Variants in RIPOR2 observed in about 807,000 individuals in gnomAD.
RIPOR2 encodes the protein RHO family interacting cell polarization regulator 2, also known as rho family-interacting cell polarization regulator 2.
A neutral mutation model predicts 114.5 loss-of-function variants in RIPOR2; 39 were observed. The ratio of observed to expected loss-of-function variants is 0.34; its 90% CI spans 0.26 to 0.44. The LOEUF (loss-of-function observed/expected upper bound fraction) is 0.44. Among genes scored for constraint, RIPOR2 ranks in the 20% least tolerant of loss-of-function variants. RIPOR2 has a pLI of 1.00. For missense variants in RIPOR2, 1,007 were observed against 1,255.1 expected (o/e 0.80, Z 2.99); for synonymous variants, 445 against 484.4 (o/e 0.92, Z 1.07).
At chr6:24,975,127 T>C (rs187276252) in intron 1 of RIPOR2, among the ~76,000 whole-genome samples, 3 of 152,322 alleles carry the variant, frequency 2.0e-5, no homozygotes, top group Non-Finnish European at 4.4e-5. Context: ...ACACTTTAAA[T>C]TGGTGAACTG....
At chr6:24,836,494 A>T (rs529497891) in intron 14 of RIPOR2, among the ~76,000 whole-genome samples, 9 of 152,316 alleles carry the variant, frequency 5.9e-5, no homozygotes, top group African/African-American at 2.2e-4. Flanking sequence ...ACCTACATTT[A>T]AAAAAATCTC....
At chr6:24,927,114 T>C (rs1561782301) in intron 1 of RIPOR2, among the ~76,000 whole-genome samples, 3,132 of 4,086 alleles carry the variant, frequency 0.77, 1,548 homozygotes, top group East Asian at 0.93. Flanking sequence ...ACCACCATGA[T>C]TATTATAATC....
intron 1 of RIPOR2, among the ~76,000 whole-genome samples, chr6:24,974,775 T>C (rs1019340291): frequency 6.6e-6 from 1 of 152,164 alleles, no homozygotes. Context: ...ATAGATAAAG[T>C]GTGGTATAGT....
intron 1 of RIPOR2, among the ~76,000 whole-genome samples, chr6:24,923,043 T>TC (rs561220827): frequency 1.3e-5 from 2 of 151,948 alleles, no homozygotes; most frequent in Non-Finnish European, 2.9e-5. Context: ...TGCTCTCTCC[T>TC]CCCCCCAGCC....
chr6:24,990,704 G>A (rs1016882822), intron 1 of RIPOR2, among the ~76,000 whole-genome samples: 2 of 13,744 alleles, frequency 1.5e-4, no homozygotes, highest in Non-Finnish European at 3.0e-4. Context: ...CAGCTATGCT[G>A]TAGAAGGAAA....
intron 17 of RIPOR2, among the ~76,000 whole-genome samples, chr6:24,829,352 C>T (rs1760467137): frequency 6.6e-6 from 1 of 151,694 alleles, no homozygotes; most frequent in African/African-American, 2.4e-5. Flanking sequence ...AATTGCTGGC[C>T]CAGTGTAGTG....
intron 12 of RIPOR2, among the ~76,000 whole-genome samples, chr6:24,846,627 A>T (rs1296446126): frequency 2.0e-5 from 3 of 152,020 alleles, no homozygotes; most frequent in Non-Finnish European, 4.4e-5. Context: ...TTTTTAATTC[A>T]ATGAAAACGA....
chr6:25,018,255 T>G (rs904666964), intron 1 of RIPOR2, among the ~76,000 whole-genome samples: 5 of 152,212 alleles, frequency 3.3e-5, no homozygotes. Flanking sequence ...TTCTTCCTAA[T>G]GCTTTACATG....
Position 24,805,739 on chromosome 6 carries a change from A to G in RIPOR2, c.*634T>C, listed in dbSNP as rs147679459. 8 of 152,274 alleles carry G rather than the reference A, an allele frequency of 5.3e-5. No homozygotes were observed. Among genetic ancestry groups the G allele is most frequent in the African/African-American group, 1.4e-4 (6 of 41,556 alleles). The allele number at this position is 152,274 out of a possible 1,614,324, so 9.4% of individuals were successfully genotyped here. ...CATGACTATTTCAAGCTTATAGAGAAACTTGCAAAAAAGTACAAAGATGGC... is the reference window on the plus strand; with the variant it reads ...CATGACTATTTCAAGCTTATAGAGAGACTTGCAAAAAAGTACAAAGATGGC... On this transcript the variant is annotated 3_prime_UTR_variant, in exon 22 of 22. Transcript: ENST00000643898.
chr6:24,971,379 G>T (rs1773781821), intron 1 of RIPOR2, among the ~76,000 whole-genome samples: 1 of 152,232 alleles, frequency 6.6e-6, no homozygotes, highest in Non-Finnish European at 1.5e-5. Flanking sequence ...ACATGTGCTG[G>T]ATATAGGGAT....
At chr6:24,847,429 T>C in intron 12 of RIPOR2, 3 of 1,120,366 alleles carry the variant, frequency 2.7e-6, no homozygotes, top group Non-Finnish European at 3.8e-6. Flanking sequence ...ACAGTACAGC[T>C]GTAACCATAC....
intron 1 of RIPOR2, among the ~76,000 whole-genome samples, chr6:24,887,142 G>A (rs929258941): frequency 2.0e-5 from 3 of 152,140 alleles, no homozygotes; most frequent in African/African-American, 4.8e-5. Context: ...CTCACATTGC[G>A]AACCTCAAAA....
chr6:24,954,472 TTGA>T (rs1772938146), intron 1 of RIPOR2, among the ~76,000 whole-genome samples: 2 of 150,352 alleles, frequency 1.3e-5, no homozygotes, highest in Non-Finnish European at 3.0e-5. Flanking sequence ...TTTTTTTTTT[TTGA>T]GACAGGGTCT....
At chr6:24,861,163 CA>C in intron 7 of RIPOR2, 127 bp from the exon 8 acceptor site, 1 of 629,540 alleles carries the variant, frequency 1.6e-6, no homozygotes, top group Non-Finnish European at 2.9e-6. Flanking sequence ...TTGCTCCACA[CA>C]GCACAGCCTA....
At chr6:24,942,366 T>G (rs1772181064) in intron 1 of RIPOR2, among the ~76,000 whole-genome samples, 1 of 152,174 alleles carries the variant, frequency 6.6e-6, no homozygotes, top group East Asian at 1.9e-4. Flanking sequence ...TAAAAGAGAT[T>G]GGATATTAGA....
At chr6:24,900,524 C>T (rs768064784) in intron 1 of RIPOR2, among the ~76,000 whole-genome samples, 14 of 151,942 alleles carry the variant, frequency 9.2e-5, no homozygotes, top group African/African-American at 2.7e-4. Context: ...TTTGGGAGAC[C>T]GATGCAGGGA....
At chr6:24,904,390 C>G (rs1323498810) in intron 1 of RIPOR2, among the ~76,000 whole-genome samples, 2 of 152,218 alleles carry the variant, frequency 1.3e-5, no homozygotes, top group East Asian at 3.8e-4. Flanking sequence ...TCTCCCTGAT[C>G]TTTCTATCTT....
intron 1 of RIPOR2, among the ~76,000 whole-genome samples, chr6:24,885,609 C>T (rs1766767724): frequency 6.6e-6 from 1 of 152,208 alleles, no homozygotes; most frequent in South Asian, 2.1e-4. Context: ...GACAAATCTG[C>T]ACTCAGTTTG....
rs1023531022 is a variant in RIPOR2 at position 24,856,319 on chromosome 6, C to T, written c.716-3701G>A. Among the ~76,000 whole-genome samples, 3 of 152,190 alleles carry T rather than the reference C, an allele frequency of 2.0e-5. No individual in the cohort carries two copies. The East Asian group carries it at 5.8e-4, about 29-fold the overall frequency. On this transcript the variant is annotated intron_variant, in intron 8 of 21. Coordinates refer to ENST00000643898, the MANE Select transcript of RIPOR2 (RefSeq NM_001286445.3). Reference sequence around the variant, plus strand: ...TGAAATAAGAGCAGAATTAAAGAAGCCTGCATTCTACTAATAATTTTCTGC... The same window carrying T: ...TGAAATAAGAGCAGAATTAAAGAAGTCTGCATTCTACTAATAATTTTCTGC...
Sources: allele counts gnomAD v4.1 joint callset (sites outside exome capture counted in the v4.1 genomes callset), GRCh38; gene constraint gnomAD v4.1.1; transcripts MANE v1.5; gene names NCBI Gene and HGNC (gene_info 2026-07-23, HGNC 2026-07-21).